Variants in SLC22A25 observed in about 807,000 individuals in gnomAD.
SLC22A25 encodes MGI:2442751, MGI:2385316, MGI:3042283, MGI:3645714, MGI:3605624, MGI:2442750.
SLC22A25 carries 44 observed loss-of-function variants against 45.9 expected under a neutral mutation model. The observed-to-expected ratio is 0.96, with a 90% confidence interval of 0.75 to 1.23. The LOEUF (loss-of-function observed/expected upper bound fraction) is 1.23. Among genes scored for constraint, SLC22A25 ranks in the 50% most tolerant of loss-of-function variants. The pLI, the probability that SLC22A25 is intolerant of heterozygous loss-of-function variation, is 0.00. For missense variants in SLC22A25, 800 were observed against 666.4 expected, an observed-to-expected ratio of 1.20 and a Z score of -2.21; for synonymous variants, 283 against 238.6, an observed-to-expected ratio of 1.19 and a Z score of -1.72.
At chr11:63,200,894 A>G (rs2089220104) in intron 7 of SLC22A25, among the ~76,000 whole-genome samples, 1 of 152,206 alleles carries the variant, frequency 6.6e-6, no homozygotes, top group South Asian at 2.1e-4. Context: ...TAATGAATGA[A>G]CACCCATTCA....
intron 9 of SLC22A25, among the ~76,000 whole-genome samples, chr11:63,177,438 T>C (rs555020429): frequency 1.2e-4 from 18 of 152,150 alleles, no homozygotes; most frequent in African/African-American, 3.9e-4. Flanking sequence ...ACAATAACTT[T>C]ATTGTTAACT....
At chr11:63,233,476 G>A (rs2090107760) in intron 3 of SLC22A25, among the ~76,000 whole-genome samples, 2 of 152,154 alleles carry the variant, frequency 1.3e-5, no homozygotes. Context: ...GGAATTGGTG[G>A]TGATATCCCC....
At chr11:63,170,873 T>G (rs1565064079) in intron 9 of SLC22A25, among the ~76,000 whole-genome samples, 3 of 151,966 alleles carry the variant, frequency 2.0e-5, no homozygotes, top group African/African-American at 7.3e-5. Context: ...AAAGAAAATT[T>G]CAGGCCAATA....
chr11:63,190,034 C>G (rs1433663159), intron 7 of SLC22A25, among the ~76,000 whole-genome samples: 1 of 152,068 alleles, frequency 6.6e-6, no homozygotes, highest in African/African-American at 2.4e-5. Context: ...TGGAGTTGCT[C>G]TTCTTGAGGA....
At chr11:63,195,008 C>G (rs1351068161) in intron 7 of SLC22A25, among the ~76,000 whole-genome samples, 2 of 146,656 alleles carry the variant, frequency 1.4e-5, no homozygotes, top group Non-Finnish European at 3.0e-5. Flanking sequence ...ACAAAGAAGG[C>G]CATTACATAA....
chr11:63,216,671 G>A (rs1165993347), intron 7 of SLC22A25, among the ~76,000 whole-genome samples: 1 of 151,916 alleles, frequency 6.6e-6, no homozygotes, highest in Non-Finnish European at 1.5e-5. Context: ...GGGAGCTAAA[G>A]GTGGGAGGAG....
At chr11:63,197,342 C>T (rs890362221) in intron 7 of SLC22A25, among the ~76,000 whole-genome samples, 2 of 152,148 alleles carry the variant, frequency 1.3e-5, no homozygotes, top group African/African-American at 4.8e-5. Flanking sequence ...ATCACGCTAC[C>T]TGACTTCAAA....
chr11:63,161,650 C>A lies in SLC22A25; in HGVS notation c.*2174G>T, dbSNP rs1209695622. On this transcript the variant is annotated 3_prime_UTR_variant, in exon 12 of 12. Coordinates refer to ENST00000306494, the MANE Select transcript of SLC22A25 (RefSeq NM_199352.6). ...TTGCCTGCTGCCATGTAAGACGTGC[C>A]TTTCGCCCTCCACCAGGATTGTGAG... Among the ~76,000 whole-genome samples the A allele has an allele frequency of 2.0e-5, 3 of 152,058 alleles. No individual in the cohort carries two copies. Among genetic ancestry groups the A allele is most frequent in the African/African-American group, 7.2e-5 (3 of 41,416 alleles).
At chr11:63,191,666 T>C (rs984147878) in intron 7 of SLC22A25, among the ~76,000 whole-genome samples, 2 of 152,170 alleles carry the variant, frequency 1.3e-5, no homozygotes, top group Non-Finnish European at 2.9e-5. Flanking sequence ...CTGGAGCTGT[T>C]CCTATTTGGC....
At chr11:63,224,705 A>G (rs963756343) in intron 5 of SLC22A25, among the ~76,000 whole-genome samples, 1 of 152,264 alleles carries the variant, frequency 6.6e-6, no homozygotes, top group Admixed American at 6.5e-5. Flanking sequence ...AAAAACAAAC[A>G]GGCAAAAAGA....
In SLC22A25 at chr11:63,161,900, G is replaced by T. The variant is rs1467850288; in HGVS notation, c.*1924C>A. ...ACATTCCCACCAACAGTGTATGAGG[G>T]TTCCCTTTTCTCCACATTCTCACCA... is the stretch of plus-strand genomic sequence containing the variant. On this transcript the variant is annotated 3_prime_UTR_variant, in exon 12 of 12. Transcript: ENST00000306494. 2.6e-5 allele frequency among the ~76,000 whole-genome samples: 4 copies of T among 152,096 alleles called. No homozygotes were observed. Among genetic ancestry groups the T allele is most frequent in the African/African-American group, 7.2e-5 (3 of 41,408 alleles).
At chr11:63,193,801 A>T (rs781466668) in intron 7 of SLC22A25, among the ~76,000 whole-genome samples, 1 of 152,262 alleles carries the variant, frequency 6.6e-6, no homozygotes, top group Non-Finnish European at 1.5e-5. Flanking sequence ...ACAAAGCTGG[A>T]CGGAGGTGAC....
chr11:63,184,265 G>A (rs2088437049), intron 7 of SLC22A25, among the ~76,000 whole-genome samples: 1 of 152,078 alleles, frequency 6.6e-6, no homozygotes, highest in African/African-American at 2.4e-5. Flanking sequence ...ACCAAAACTG[G>A]ATATATTAGC....
intron 7 of SLC22A25, among the ~76,000 whole-genome samples, chr11:63,205,155 T>TA (rs1230706389): frequency 1.3e-5 from 2 of 152,216 alleles, no homozygotes; most frequent in East Asian, 3.8e-4. Context: ...GGGACACATT[T>TA]AAAACAGTGT....
chr11:63,227,399 G>T (rs1316419608), intron 5 of SLC22A25, among the ~76,000 whole-genome samples: 1 of 152,128 alleles, frequency 6.6e-6, no homozygotes, highest in Admixed American at 6.5e-5. Flanking sequence ...CTTTAAGGCA[G>T]CAGATTCCCT....
intron 7 of SLC22A25, among the ~76,000 whole-genome samples, chr11:63,184,188 C>G (rs2088434307): frequency 1.3e-5 from 2 of 152,026 alleles, no homozygotes; most frequent in South Asian, 2.1e-4. Context: ...AGTAAAGACC[C>G]TGAAATAATT....
intron 9 of SLC22A25, among the ~76,000 whole-genome samples, chr11:63,176,005 C>A (rs962306252): frequency 1.3e-5 from 2 of 151,966 alleles, no homozygotes; most frequent in East Asian, 1.9e-4. Context: ...ATCTTTGTCA[C>A]CCCCACAAAG....
intron 7 of SLC22A25, among the ~76,000 whole-genome samples, chr11:63,184,636 T>C (rs1192004498): frequency 1.3e-5 from 2 of 152,152 alleles, no homozygotes; most frequent in African/African-American, 4.8e-5. Flanking sequence ...TACAGGTAAA[T>C]TGATGTCCCT....
At chr11:63,183,840 G>C (rs35175904) in intron 7 of SLC22A25, 23 bp from the exon 8 acceptor site, 114,984 of 1,612,120 alleles carry the variant, frequency 0.071, 6,980 homozygotes, top group African/African-American at 0.32. Context: ...GAGGACAGAG[G>C]TGCAGCCAAC....
Sources: gnomAD v4.1 joint callset for allele counts (sites outside exome capture counted in the v4.1 genomes callset) on GRCh38, gnomAD v4.1.1 for gene constraint, MANE v1.5 for transcripts, NCBI Gene and HGNC (gene_info 2026-07-23, HGNC 2026-07-21) for gene names.